WASHC4: variants seen among roughly 807,000 people sequenced by gnomAD.
The protein encoded by WASHC4 is WASH complex subunit 7.
WASHC4 carries 86 observed loss-of-function variants against 166.6 expected under a neutral mutation model. The observed-to-expected ratio is 0.52, with a 90% CI of 0.43 to 0.62. The LOEUF is 0.62. Among genes scored for constraint, WASHC4 ranks in the 20% least tolerant of loss-of-function variants. The pLI, the probability that WASHC4 is intolerant of heterozygous loss-of-function variation, is 0.00. For synonymous variants in WASHC4, 446 were observed against 451.6 expected, an observed-to-expected ratio of 0.99 and a Z score of 0.16; for missense variants, 1,262 against 1,382.4, an observed-to-expected ratio of 0.91 and a Z score of 1.38.
At chr12:105,149,006 A>G in intron 24 of WASHC4, 2 of 980,688 alleles carry the variant, frequency 2.0e-6, no homozygotes, top group Non-Finnish European at 2.4e-6. Flanking sequence ...AAATTATTAC[A>G]GTAGAGATTT....
intron 1 of WASHC4, among the ~76,000 whole-genome samples, chr12:105,109,542 G>C (rs950964608): frequency 2.6e-5 from 4 of 151,772 alleles, no homozygotes; most frequent in Admixed American, 2.0e-4. Context: ...ACCGTTTATT[G>C]TCAGCAAGGA....
At chr12:105,125,918 A>G in intron 10 of WASHC4, 86 bp from the exon 11 acceptor site, 1 of 1,289,486 alleles carries the variant, frequency 7.8e-7, no homozygotes, top group Non-Finnish European at 1.1e-6. Flanking sequence ...GAAATTTATC[A>G]TACACTGTAT....
chr12:105,129,260 T>A (rs1432916510), intron 13 of WASHC4, among the ~76,000 whole-genome samples: 1 of 152,156 alleles, frequency 6.6e-6, no homozygotes, highest in African/African-American at 2.4e-5. Context: ...AATTTTTGTA[T>A]TTTTAGTAGA....
chr12:105,111,084 T>G (rs1879641061), intron 1 of WASHC4, 41 bp from the exon 2 acceptor site: 1 of 1,452,512 alleles, frequency 6.9e-7, no homozygotes, highest in African/African-American at 1.4e-5. Context: ...TGCAATTCAT[T>G]ACTTGCACTT....
In WASHC4 at chr12:105,114,399, G is replaced by T. The variant is rs1323062311; in HGVS notation, c.293G>T (p.Cys98Phe). 3 of 1,595,882 alleles carry T rather than the reference G, an allele frequency of 1.9e-6. No individual in the cohort carries two copies. Among genetic ancestry groups the T allele is most frequent in the South Asian group, 2.2e-5 (2 of 89,588 alleles). ...NKVITVYAAL[C>F]CEIKKLKYEA... ...GTCATCACTGTTTATGCTGCACTTTGTTGTGAAATCAAGAAATTAAAATAT... is the reference window on the plus strand; with the variant it reads ...GTCATCACTGTTTATGCTGCACTTTTTTGTGAAATCAAGAAATTAAAATAT... The change falls in exon 4 of 33, where the codon TGT becomes TTT. Residue 98 changes from cysteine (C) to phenylalanine (F), a missense_variant. By Grantham distance (205) the Cys-to-Phe change is radical (BLOSUM62 -2). Transcript: ENST00000332180.
In WASHC4 at chr12:105,133,463, T is replaced by A. The variant is rs546792416; in HGVS notation, c.1200-307T>A. Among the ~76,000 whole-genome samples, 130 of 152,256 alleles carry A rather than the reference T, an allele frequency of 8.5e-4. 1 individual carries two copies. Among genetic ancestry groups the A allele is most frequent in the African/African-American group, 3.0e-3 (125 of 41,556 alleles). Reference sequence around the variant, plus strand: ...TGTAGTATGTATCTTTTAATTAATTTAAAATTTTACTTACTGATTTCATTA... The same window carrying A: ...TGTAGTATGTATCTTTTAATTAATTAAAAATTTTACTTACTGATTTCATTA... On this transcript the variant is annotated intron_variant, in intron 13 of 32. Transcript: ENST00000332180.
chr12:105,128,472 C>T (rs915366065), intron 13 of WASHC4, among the ~76,000 whole-genome samples: 1 of 152,162 alleles, frequency 6.6e-6, no homozygotes, highest in East Asian at 1.9e-4. Flanking sequence ...AATGCCAATA[C>T]ATACTTAGCT....
At chr12:105,119,200 C>T (rs1200239851) in intron 7 of WASHC4, among the ~76,000 whole-genome samples, 1 of 152,278 alleles carries the variant, frequency 6.6e-6, no homozygotes, top group East Asian at 1.9e-4. Flanking sequence ...GCTCGTGCCA[C>T]TGAGGAGGTG....
intron 24 of WASHC4, chr12:105,149,035 A>G (rs1372729311): frequency 6.7e-5 from 65 of 975,418 alleles, no homozygotes; most frequent in Non-Finnish European, 7.9e-5. Context: ...ATTTAACAAT[A>G]CTTGTTTAAA....
At position 105,126,340 on chromosome 12, in the gene WASHC4, C is replaced by T; in HGVS notation, c.1016C>T (p.Ser339Phe). 1 of 1,584,340 alleles carries T rather than the reference C, an allele frequency of 6.3e-7. No individual in the cohort carries two copies. Residue 339 changes from serine (S) to phenylalanine (F), a missense_variant, in exon 12 of 33, where the codon TCT becomes TTT. By Grantham distance (155) the Ser-to-Phe change is radical. Coordinates refer to ENST00000332180, the MANE Select transcript of WASHC4 (RefSeq NM_015275.3). ...FRTIDKKFYK[S>F]LLDICKKVPA... ...ACTATTGATAAAAAGTTTTATAAGT[C>T]TTTATTGGACATTTGTAAGAAGGTA...
intron 6 of WASHC4, among the ~76,000 whole-genome samples, chr12:105,115,975 C>G (rs894158968): frequency 6.6e-6 from 1 of 151,988 alleles, no homozygotes; most frequent in African/African-American, 2.4e-5. Flanking sequence ...TGTCACCATG[C>G]CTTTTAAAAT....
In WASHC4 at chr12:105,140,323, C is replaced by T. The variant is rs764515324; in HGVS notation, c.1482C>T (p.Ser494=). The change falls in exon 16 of 33, where the codon AGC becomes AGT. Residue 494 remains serine (S), a synonymous_variant. Coordinates refer to ENST00000332180, the MANE Select transcript of WASHC4 (RefSeq NM_015275.3). ...KAIEHMFYRR[S]MVVADSVSHI... is the part of the protein sequence containing the mutation. The stretch of plus-strand genomic sequence containing the variant: ...TAGAGCATATGTTCTACAGGAGAAG[C>T]ATGGTTGTGGCTGATTCAGTTTCAC... 5 of 1,613,122 alleles carry T rather than the reference C, an allele frequency of 3.1e-6. No individual in the cohort carries two copies. Among genetic ancestry groups the T allele is most frequent in the East Asian group, 4.5e-5 (2 of 44,876 alleles).
At chr12:105,142,007 G>A (rs540435106) in intron 18 of WASHC4, among the ~76,000 whole-genome samples, 21 of 82,354 alleles carry the variant, frequency 2.5e-4, no homozygotes, top group African/African-American at 7.0e-4. Flanking sequence ...TTTGGGGCGG[G>A]GGGGGTCACA....
At chr12:105,114,463 A>C (rs1195452658) in intron 4 of WASHC4, 36 bp downstream of exon 4, 1 of 1,343,248 alleles carries the variant, frequency 7.4e-7, no homozygotes, top group Non-Finnish European at 1.0e-6. Context: ...AACTTTAAAA[A>C]CATCATTTAG....
In WASHC4 at chr12:105,149,864, T is replaced by C. The variant is rs1883596615; in HGVS notation, c.2649+115T>C. ...TGGGGTTTTAGTTTTATTTTCCCTA[T>C]AATTTCTTACTCTGCATTATCTGTA... On this transcript the variant is annotated intron_variant, in intron 25 of 32. Coordinates refer to ENST00000332180, the MANE Select transcript of WASHC4 (RefSeq NM_015275.3). 6.5e-6 allele frequency: 7 copies of C among 1,069,152 alleles called. No individual in the cohort carries two copies. The East Asian group carries it at 8.2e-5, about 13-fold the overall frequency. 66.2% of individuals were successfully genotyped at this position (1,069,152 alleles called of 1,614,324 possible). A position where few individuals can be genotyped will look rare whatever the true frequency, so the allele number is the denominator to read the frequency against.
chr12:105,164,387 G>A, intron 31 of WASHC4, 80 bp downstream of exon 31: 2 of 1,265,320 alleles, frequency 1.6e-6, no homozygotes, highest in Non-Finnish European at 2.3e-6. Flanking sequence ...AAAAGCAGAA[G>A]CCATATAGAA....
intron 7 of WASHC4, among the ~76,000 whole-genome samples, chr12:105,119,069 A>G (rs1173613271): frequency 6.6e-6 from 1 of 152,216 alleles, no homozygotes; most frequent in Non-Finnish European, 1.5e-5. Flanking sequence ...CTGAAAGGAC[A>G]AAGAGAACAG....
chr12:105,156,733 T>A lies in WASHC4; in HGVS notation c.2766T>A (p.Ala922=), dbSNP rs1406650743. ...FRQLISQIGN[A]MGYVRMIRSG... is the part of the protein sequence containing the mutation. The stretch of plus-strand genomic sequence containing the variant: ...TTTTGTGTGGTTTTTAAGGTAATGC[T>A]ATGGGCTATGTACGAATGATAAGAT... Residue 922 remains alanine, a synonymous_variant, in exon 27 of 33, where the codon GCT becomes GCA. Transcript: ENST00000332180. The A allele has an allele frequency of 6.2e-7, 1 of 1,610,808 alleles. No homozygotes were observed. The highest frequency in any genetic ancestry group is 1.7e-5 in the Admixed American group (1 of 60,002).
chr12:105,162,955 C>CT, intron 30 of WASHC4, 110 bp downstream of exon 30: 1 of 638,994 alleles, frequency 1.6e-6, no homozygotes, highest in Non-Finnish European at 2.7e-6. Context: ...ATTTTTCTTT[C>CT]TTTTTTCTTT....
Sources: allele counts gnomAD v4.1 joint callset (sites outside exome capture counted in the v4.1 genomes callset), GRCh38; gene constraint gnomAD v4.1.1; transcripts MANE v1.5; gene names NCBI Gene and HGNC (gene_info 2026-07-23, HGNC 2026-07-21).